KBTBD12: variants seen among roughly 807,000 people sequenced by gnomAD.
The protein encoded by KBTBD12 is kelch repeat and BTB domain containing 12.
A neutral mutation model predicts 58.7 loss-of-function variants in KBTBD12; 53 were observed. That is an observed-to-expected ratio of 0.90 (90% CI 0.72 to 1.14). KBTBD12 has a LOEUF of 1.14. KBTBD12 is among the 50% of genes most tolerant of loss of function. The probability of loss-of-function intolerance (pLI) is 0.00; values close to 1 mark genes in which losing one functional copy is unlikely to be tolerated. For synonymous variants in KBTBD12, 236 were observed against 259.8 expected (o/e 0.91, Z 0.88); for missense variants, 704 against 751.3 (o/e 0.94, Z 0.74).
At position 127,985,166 on chromosome 3, in the gene KBTBD12, G is replaced by C. The variant is rs1484403512; in HGVS notation, c.*888G>C. The stretch of plus-strand genomic sequence containing the variant: ...CTCAGACACATACAACCATCTGCAG[G>C]GTAGTCCTGGCTGAACAGGACTCGC... On this transcript the variant is annotated 3_prime_UTR_variant, in exon 6 of 6. Coordinates refer to ENST00000405109, the MANE Select transcript of KBTBD12 (RefSeq NM_207335.4). 2 of 152,226 alleles carry C rather than the reference G, an allele frequency of 1.3e-5. No individual in the cohort carries two copies. Among genetic ancestry groups the C allele is most frequent in the Non-Finnish European group, 2.9e-5 (2 of 68,120 alleles). The allele number at this position is 152,226 out of a possible 1,614,324, so 9.4% of individuals were successfully genotyped here.
chr3:127,961,038 G>T (rs781329758), intron 4 of KBTBD12, among the ~76,000 whole-genome samples: 3 of 152,168 alleles, frequency 2.0e-5, no homozygotes, highest in African/African-American at 4.8e-5. Context: ...CCAGTGACTC[G>T]CATTTGACCT....
chr3:127,935,408 A>G (rs1162984724), intron 4 of KBTBD12, among the ~76,000 whole-genome samples: 1 of 152,202 alleles, frequency 6.6e-6, no homozygotes, highest in Non-Finnish European at 1.5e-5. Flanking sequence ...AGGATGATAA[A>G]GTAAAATACA....
At chr3:127,955,751 T>C (rs1415069718) in intron 4 of KBTBD12, among the ~76,000 whole-genome samples, 1 of 152,234 alleles carries the variant, frequency 6.6e-6, no homozygotes, top group East Asian at 1.9e-4. Flanking sequence ...ACATATTATA[T>C]GCTCAAAATA....
intron 3 of KBTBD12, among the ~76,000 whole-genome samples, chr3:127,928,364 C>T (rs1168948884): frequency 1.3e-5 from 2 of 152,198 alleles, no homozygotes; most frequent in Non-Finnish European, 2.9e-5. Flanking sequence ...GCTGGATCCT[C>T]ATCCAGTTCT....
At chr3:127,962,984 A>G (rs1940476729) in intron 4 of KBTBD12, among the ~76,000 whole-genome samples, 1 of 152,256 alleles carries the variant, frequency 6.6e-6, no homozygotes, top group African/African-American at 2.4e-5. Context: ...GGAGAACACT[A>G]TGAATAAAAA....
intron 5 of KBTBD12, among the ~76,000 whole-genome samples, chr3:127,968,168 T>C (rs1940615306): frequency 6.6e-6 from 1 of 152,222 alleles, no homozygotes; most frequent in Non-Finnish European, 1.5e-5. Context: ...CTGTCTTTCA[T>C]CTCTGACCCA....
chr3:127,960,298 G>C (rs1481539610), intron 4 of KBTBD12, among the ~76,000 whole-genome samples: 2 of 152,148 alleles, frequency 1.3e-5, no homozygotes, highest in Non-Finnish European at 1.5e-5. Flanking sequence ...ATAAAGAAGA[G>C]AGGCAGGCAT....
rs941114205 is a variant in KBTBD12, at chr3:127,984,457, C to T, written c.*179C>T. 8 of 580,076 alleles carry T rather than the reference C, an allele frequency of 1.4e-5. No homozygotes were observed. Among genetic ancestry groups the T allele is most frequent in the Admixed American group, 3.1e-5 (1 of 32,096 alleles). 35.9% of individuals were successfully genotyped at this position (580,076 alleles called of 1,614,324 possible). A position where few individuals can be genotyped will look rare whatever the true frequency, so the allele number is the denominator to read the frequency against. On this transcript the variant is annotated 3_prime_UTR_variant, in exon 6 of 6. Coordinates refer to ENST00000405109, the MANE Select transcript of KBTBD12 (RefSeq NM_207335.4). ...ATGGGGAGTCTCCCTTCAGGGACTT[C>T]CCAGCCTGATAGGGTAAATAAGACA...
chr3:127,918,154 A>C (rs1939302381), intron 1 of KBTBD12, among the ~76,000 whole-genome samples: 1 of 152,190 alleles, frequency 6.6e-6, no homozygotes, highest in African/African-American at 2.4e-5. Flanking sequence ...CTCTAAAATA[A>C]ATAAGTAAAC....
intron 2 of KBTBD12, among the ~76,000 whole-genome samples, chr3:127,925,937 C>T (rs934450176): frequency 3.9e-5 from 6 of 152,112 alleles, no homozygotes; most frequent in Non-Finnish European, 8.8e-5. Context: ...TCCAGATGTT[C>T]TTCAGCTTGC....
At chr3:127,978,484 G>A (rs917524104) in intron 5 of KBTBD12, among the ~76,000 whole-genome samples, 2 of 152,216 alleles carry the variant, frequency 1.3e-5, no homozygotes, top group South Asian at 2.1e-4. Context: ...TTCCTGGCCT[G>A]GACTCAAAGA....
chr3:127,953,647 A>T (rs1377954926), intron 4 of KBTBD12, among the ~76,000 whole-genome samples: 1 of 152,254 alleles, frequency 6.6e-6, no homozygotes, highest in East Asian at 1.9e-4. Flanking sequence ...GTGTTGTCAC[A>T]GATACCATGA....
Position 127,984,348 on chromosome 3 carries a change from T to C in KBTBD12, c.*70T>C. On this transcript the variant is annotated 3_prime_UTR_variant, in exon 6 of 6. Transcript: ENST00000405109. ...TTCAGAACGGAGAGGGCCCACAGCA[T>C]CTCTGTCATGCCAGTCATGTGCACT... The C allele has an allele frequency of 7.2e-7, 1 of 1,393,772 alleles. No individual in the cohort carries two copies. Among genetic ancestry groups the C allele is most frequent in the Non-Finnish European group, 1.0e-6 (1 of 1,002,390 alleles). The allele number at this position is 1,393,772 out of a possible 1,614,324, so 86.3% of individuals were successfully genotyped here.
intron 4 of KBTBD12, among the ~76,000 whole-genome samples, chr3:127,956,960 A>C (rs1050413938): frequency 2.6e-5 from 4 of 152,220 alleles, no homozygotes; most frequent in African/African-American, 9.6e-5. Flanking sequence ...TATATTTGGT[A>C]TCTTCAGTTC....
intron 2 of KBTBD12, among the ~76,000 whole-genome samples, chr3:127,925,214 C>A (rs188229632): frequency 6.6e-6 from 1 of 152,284 alleles, no homozygotes; most frequent in East Asian, 1.9e-4. Context: ...GGCTGGGTGA[C>A]CTAGACCCGT....
chr3:127,946,140 A>G (rs1940077216), intron 4 of KBTBD12, among the ~76,000 whole-genome samples: 1 of 152,190 alleles, frequency 6.6e-6, no homozygotes, highest in Non-Finnish European at 1.5e-5. Flanking sequence ...TTCTTGTTAT[A>G]TAGTTTATAT....
In KBTBD12 at chr3:127,927,978, C is replaced by G. The variant is rs954309568; in HGVS notation, c.1285C>G (p.His429Asp). 5.0e-6 allele frequency: 8 copies of G among 1,613,294 alleles called. No homozygotes were observed. The highest frequency in any genetic ancestry group is 5.9e-6 in the Non-Finnish European group (7 of 1,179,514). ...VSPLPLQLACHAVVTVNNKLY... is the reference protein window; with the variant it reads ...VSPLPLQLACDAVVTVNNKLY... ...TCCCCTTCCACTGCAATTGGCATGT[C>G]ATGCTGTAGTGACAGTGAATAATAA... Residue 429 changes from histidine to aspartate, a missense_variant, in exon 3 of 6, where the codon CAT becomes GAT. By Grantham distance (81) the His-to-Asp change is moderately conservative. Coordinates refer to ENST00000405109, the MANE Select transcript of KBTBD12 (RefSeq NM_207335.4).
chr3:127,927,595 C>T (rs1337979263), intron 2 of KBTBD12, among the ~76,000 whole-genome samples, 169 bp from the exon 3 acceptor site: 2 of 151,736 alleles, frequency 1.3e-5, no homozygotes, highest in Admixed American at 6.6e-5. Flanking sequence ...GTTCATTATT[C>T]CTTAAAAAAA....
intron 5 of KBTBD12, among the ~76,000 whole-genome samples, chr3:127,968,895 G>A (rs569209512): frequency 2.6e-5 from 4 of 152,036 alleles, no homozygotes; most frequent in Admixed American, 1.3e-4. Context: ...GCACCCTTTC[G>A]TGCTATAGAT....
Sources: gnomAD v4.1 joint callset for allele counts (sites outside exome capture counted in the v4.1 genomes callset) on GRCh38, gnomAD v4.1.1 for gene constraint, MANE v1.5 for transcripts, NCBI Gene and HGNC (gene_info 2026-07-23, HGNC 2026-07-21) for gene names.